CA5A: variants seen among roughly 807,000 people sequenced by gnomAD.
CA5A encodes the protein carbonic anhydrase 5A, also known as carbonic anhydrase 5A, mitochondrial.
CA5A carries 28 observed loss-of-function variants against 37.1 expected under a neutral mutation model. The ratio of observed to expected loss-of-function variants is 0.75; its 90% confidence interval spans 0.56 to 1.03. The LOEUF (loss-of-function observed/expected upper bound fraction) is 1.03, where lower values mean the gene tolerates loss of function less well. Ranked by LOEUF, CA5A falls within the 50% of genes least tolerant of loss-of-function variation. The pLI is 0.00. For synonymous variants in CA5A, 171 were observed against 158.4 expected (o/e 1.08, Z -0.60); for missense variants, 444 against 399.9 (o/e 1.11, Z -0.94).
At chr16:87,926,203 A>G (rs988948363) in intron 2 of CA5A, among the ~76,000 whole-genome samples, 2 of 150,788 alleles carry the variant, frequency 1.3e-5, no homozygotes, top group African/African-American at 4.9e-5. Context: ...TGAATGACAG[A>G]GCAAGACTCT....
intron 2 of CA5A, among the ~76,000 whole-genome samples, chr16:87,925,086 G>C (rs998835124): frequency 2.6e-5 from 4 of 152,220 alleles, no homozygotes; most frequent in African/African-American, 9.6e-5. Flanking sequence ...CATCCTCATG[G>C]GAGCAACAGT....
intron 5 of CA5A, chr16:87,893,684 C>T (rs140367077): frequency 6.0e-5 from 33 of 548,550 alleles, no homozygotes; most frequent in African/African-American, 5.7e-4. Flanking sequence ...GGTCAGCAAC[C>T]GAATTCCAGT....
downstream of CA5A, chr16:87,887,823 C>G (rs948181533): frequency 6.6e-5 from 17 of 257,236 alleles, no homozygotes; most frequent in Non-Finnish European, 1.1e-4. Context: ...TTCTGGCTCA[C>G]TGAACCGTAA....
Position 87,905,031 on chromosome 16 carries a change from T to C in CA5A, c.341-127A>G, listed in dbSNP as rs1040775345. ...GCAAGGGGTTGCTGTATGGTTGAAG[T>C]GACAAGCCAAAGGTGGGCTCCGTGA... On this transcript the variant is annotated intron_variant, in intron 2 of 6. Coordinates refer to ENST00000649794, the MANE Select transcript of CA5A (RefSeq NM_001739.2). 21 of 708,384 alleles carry C rather than the reference T, an allele frequency of 3.0e-5. No homozygotes were observed. The African/African-American group carries it at 3.1e-4, about 11-fold the overall frequency. The allele number at this position is 708,384 out of a possible 1,614,324, so 43.9% of individuals were successfully genotyped here. A position where few individuals can be genotyped will look rare whatever the true frequency, so the allele number is the denominator to read the frequency against.
chr16:87,903,952 C>T (rs1387278079), intron 3 of CA5A, among the ~76,000 whole-genome samples: 3 of 152,094 alleles, frequency 2.0e-5, no homozygotes, highest in Non-Finnish European at 4.4e-5. Context: ...CATCACTTAT[C>T]ACCCCAAAAA....
Position 87,901,916 on chromosome 16 carries a change from T to C in CA5A, c.614A>G (p.His205Arg). ...RLVDILPEIKHKDARAAMRPF... is the reference protein window; with the variant it reads ...RLVDILPEIKRKDARAAMRPF... ...GATTTCAAATATGCAGCTTACCTTA[T>C]GTTTTATTTCCGGCAAGATGTCCAC... The change falls in exon 5 of 7, where the codon CAT (histidine) becomes CGT (arginine). Residue 205 changes from histidine (H) to arginine (R), a missense_variant. Transcript: ENST00000649794. 6.2e-7 allele frequency: 1 copy of C among 1,612,878 alleles called. No individual in the cohort carries two copies. Among genetic ancestry groups the C allele is most frequent in the African/African-American group, 1.3e-5 (1 of 75,002 alleles).
At chr16:87,920,757 T>G (rs2056219253) in intron 2 of CA5A, among the ~76,000 whole-genome samples, 1 of 152,156 alleles carries the variant, frequency 6.6e-6, no homozygotes, top group Non-Finnish European at 1.5e-5. Flanking sequence ...TAGCTGGGAT[T>G]ACAGGTGCTT....
At chr16:87,931,439 C>G (rs181409945) in intron 1 of CA5A, among the ~76,000 whole-genome samples, 2 of 152,184 alleles carry the variant, frequency 1.3e-5, no homozygotes, top group Non-Finnish European at 2.9e-5. Context: ...AAGTTTTACA[C>G]ATTGTGCAGT....
At chr16:87,890,693 G>A (rs2055700097) in intron 6 of CA5A, among the ~76,000 whole-genome samples, 1 of 152,174 alleles carries the variant, frequency 6.6e-6, no homozygotes, top group South Asian at 2.1e-4. Context: ...TCAGCTCACT[G>A]CAACCTCCGC....
chr16:87,934,673 A>G (rs748755663), intron 1 of CA5A, among the ~76,000 whole-genome samples: 3 of 151,114 alleles, frequency 2.0e-5, no homozygotes, highest in Non-Finnish European at 4.4e-5. Flanking sequence ...AAGAATAAAA[A>G]AGGGGGGTGG....
chr16:87,924,759 G>T (rs1169026759), intron 2 of CA5A, among the ~76,000 whole-genome samples: 1 of 152,278 alleles, frequency 6.6e-6, no homozygotes, highest in Admixed American at 6.5e-5. Flanking sequence ...CAGCGAGAGG[G>T]CATGAAGGTG....
chr16:87,897,500 C>T (rs1407357341), intron 5 of CA5A, among the ~76,000 whole-genome samples: 3 of 134,804 alleles, frequency 2.2e-5, no homozygotes, highest in Non-Finnish European at 4.7e-5. Flanking sequence ...GGGGCCTGTG[C>T]AGATGGGATG....
In CA5A at chr16:87,911,865, T is replaced by C. The variant is rs2056057047; in HGVS notation, c.341-6961A>G. On this transcript the variant is annotated intron_variant, in intron 2 of 6. Transcript: ENST00000649794. The surrounding 1 kb of genome is among the most constrained non-coding windows in gnomAD (Gnocchi z 4.6). ...CTAGACGTTTATAAAAGGATAATGA[T>C]GCCTACTTCAGGGGCCCATGGCAAG... Among the ~76,000 whole-genome samples the C allele has an allele frequency of 1.3e-5, 2 of 152,314 alleles. No homozygotes were observed. The highest frequency in any genetic ancestry group is 4.1e-4 in the South Asian group (2 of 4,828).
At chr16:87,897,021 G>C (rs2055812668) in intron 5 of CA5A, among the ~76,000 whole-genome samples, 1 of 152,228 alleles carries the variant, frequency 6.6e-6, no homozygotes, top group Non-Finnish European at 1.5e-5. Context: ...CCCTTGCTTT[G>C]TCCTCTTAGA....
Position 87,888,067 on chromosome 16 carries a change from C to A in CA5A, c.*62G>T, listed in dbSNP as rs887944703. The A allele has an allele frequency of 2.6e-6, 4 of 1,524,388 alleles. No individual in the cohort carries two copies. In the African/African-American group the frequency reaches 5.6e-5, roughly 21 times the overall value. The allele number at this position is 1,524,388 out of a possible 1,614,324, so 94.4% of individuals were successfully genotyped here. A position where few individuals can be genotyped will look rare whatever the true frequency, so the allele number is the denominator to read the frequency against. On this transcript the variant is annotated 3_prime_UTR_variant, in exon 7 of 7. Transcript: ENST00000649794. Reference sequence around the variant, plus strand: ...AGTCATGTACAATCACATTGTGAAACTTGGGAAACAACGCTTCCTTCCTTC... The same window carrying A: ...AGTCATGTACAATCACATTGTGAAAATTGGGAAACAACGCTTCCTTCCTTC...
At chr16:87,928,259 G>C (rs967801640) in intron 1 of CA5A, among the ~76,000 whole-genome samples, 7 of 152,148 alleles carry the variant, frequency 4.6e-5, no homozygotes, top group Admixed American at 2.6e-4. Flanking sequence ...GAACCCCTAG[G>C]CTGAATCGAT....
chr16:87,915,180 G>A (rs1165696603), intron 2 of CA5A, among the ~76,000 whole-genome samples: 2 of 152,226 alleles, frequency 1.3e-5, no homozygotes, highest in African/African-American at 4.8e-5. Flanking sequence ...TGGGGATCCA[G>A]AGGTCAGGGC....
intron 1 of CA5A, among the ~76,000 whole-genome samples, chr16:87,930,610 G>C (rs1393645104): frequency 1.3e-5 from 2 of 152,154 alleles, no homozygotes; most frequent in Non-Finnish European, 2.9e-5. Context: ...TCCCTGTCAG[G>C]CTGGGTGGGG....
At chr16:87,890,436 G>T (rs1308798430) in intron 6 of CA5A, among the ~76,000 whole-genome samples, 1 of 152,088 alleles carries the variant, frequency 6.6e-6, no homozygotes, top group Non-Finnish European at 1.5e-5. Flanking sequence ...AGCTCACCTG[G>T]AGCCCTCGGA....
Sources: gnomAD v4.1 joint callset for allele counts (sites outside exome capture counted in the v4.1 genomes callset) on GRCh38, gnomAD v4.1.1 for gene constraint, Gnocchi (gnomAD v3.1) non-coding constraint, MANE v1.5 for transcripts, NCBI Gene and HGNC (gene_info 2026-07-23, HGNC 2026-07-21) for gene names.